The following FRA10AC1 variants were observed in gnomAD, a reference collection of about 807,000 sequenced individuals.
FRA10AC1 encodes protein FRA10AC1.
Under a neutral mutation model 56.5 loss-of-function variants are expected in FRA10AC1, and 43 were observed. That is an observed-to-expected ratio of 0.76 (90% CI 0.60 to 0.98). The LOEUF (loss-of-function observed/expected upper bound fraction) is 0.98, where lower values mean the gene tolerates loss of function less well. FRA10AC1 is among the 50% of genes least tolerant of loss of function. The pLI, the probability that FRA10AC1 is intolerant of heterozygous loss-of-function variation, is 0.00. For missense variants in FRA10AC1, 346 were observed against 351.8 expected, an observed-to-expected ratio of 0.98 and a Z score of 0.13; for synonymous variants, 112 against 110.5, an observed-to-expected ratio of 1.01 and a Z score of -0.09.
At chr10:93,690,048 G>A (rs2059101137) in intron 7 of FRA10AC1, among the ~76,000 whole-genome samples, 1 of 152,074 alleles carries the variant, frequency 6.6e-6, no homozygotes, top group Non-Finnish European at 1.5e-5. Flanking sequence ...AGGCAAAGGT[G>A]GAAATTCACT....
chr10:93,692,561 G>T, intron 6 of FRA10AC1, 85 bp downstream of exon 6: 1 of 806,522 alleles, frequency 1.2e-6, no homozygotes, highest in South Asian at 1.6e-5. Context: ...TGAAGGGGCT[G>T]AACACCTTGA....
chr10:93,672,752 AG>A (rs1231491667), intron 12 of FRA10AC1: 3 of 152,306 alleles, frequency 2.0e-5, no homozygotes, highest in Non-Finnish European at 2.9e-5. Context: ...AGATATCCCT[AG>A]AGAATCAAGT....
rs376966901 is a variant in FRA10AC1, at chr10:93,676,688, T to C, written c.791A>G (p.His264Arg). ...EEASKKKDKG[H>R]SSSKKSEDSL... ...ATCTTCAGATTTCTTTGAAGATGAA[T>C]GTCCTGAAAAGGAAACATCATTGAT... is the stretch of plus-strand genomic sequence containing the variant. Residue 264 changes from histidine to arginine, a missense_variant, in exon 12 of 14, where the codon CAT becomes CGT. Coordinates refer to ENST00000359204, the MANE Select transcript of FRA10AC1 (RefSeq NM_145246.5). 4.3e-5 allele frequency: 68 copies of C among 1,568,756 alleles called. No individual in the cohort carries two copies. The highest frequency in any genetic ancestry group is 5.2e-5 in the Non-Finnish European group (60 of 1,162,110).
chr10:93,696,509 A>C (rs1239305425), intron 4 of FRA10AC1, among the ~76,000 whole-genome samples: 1 of 152,210 alleles, frequency 6.6e-6, no homozygotes, highest in Non-Finnish European at 1.5e-5. Flanking sequence ...GTTGGTGGGA[A>C]TGTAAAATGG....
At chr10:93,675,632 G>A in intron 12 of FRA10AC1, 1 of 358,784 alleles carries the variant, frequency 2.8e-6, no homozygotes, top group Non-Finnish European at 6.0e-6. Context: ...TTGAACCTGG[G>A]AAGCAGGGGC....
chr10:93,694,879 T>G lies in FRA10AC1; in HGVS notation c.278A>C (p.Glu93Ala). 1 of 1,587,210 alleles carries G rather than the reference T, an allele frequency of 6.3e-7. No homozygotes were observed. Among genetic ancestry groups the G allele is most frequent in the Non-Finnish European group, 8.7e-7 (1 of 1,155,492 alleles). ...DYILYYGGKK[E>A]DFKRLGENDK... ...TACTTACCCCAAACGCTTGAAGTCT[T>G]CTTTTTTGCCACCATAGTATAAAAT... is the stretch of plus-strand genomic sequence containing the variant. The change falls in exon 5 of 14, where the codon GAA becomes GCA. Residue 93 changes from glutamate (E) to alanine (A), a missense_variant. By Grantham distance (107) the Glu-to-Ala change is moderately radical. Transcript: ENST00000359204.
At chr10:93,684,330 T>C (rs1373931078) in intron 9 of FRA10AC1, among the ~76,000 whole-genome samples, 1 of 152,054 alleles carries the variant, frequency 6.6e-6, no homozygotes, top group Non-Finnish European at 1.5e-5. Flanking sequence ...TTTAGAAAAA[T>C]GTGTTGTCAA....
intron 7 of FRA10AC1, among the ~76,000 whole-genome samples, chr10:93,689,017 A>T (rs536476106): frequency 5.3e-4 from 80 of 151,290 alleles, no homozygotes; most frequent in African/African-American, 1.7e-3. Flanking sequence ...CAGAGGATTC[A>T]TATAAAGTGT....
At position 93,702,522 on chromosome 10, in the gene FRA10AC1, A is replaced by ACCACCGCCGCCGCCGCCG. The variant is rs60832838; in HGVS notation, c.-149_-148insCGGCGGCGGCGGCGGTGG. On this transcript the variant is annotated 5_prime_UTR_variant, in exon 1 of 14. Coordinates refer to ENST00000359204, the MANE Select transcript of FRA10AC1 (RefSeq NM_145246.5). ...GCCGCACAGCCTCGCCACAACCACC[A>ACCACCGCCGCCGCCGCCG]CCGCCGCCGCCGCCGCCGCCGCCGC... 2.9e-3 allele frequency: 627 copies of ACCACCGCCGCCGCCGCCG among 216,012 alleles called. 102 individuals are homozygous for ACCACCGCCGCCGCCGCCG. The highest frequency in any genetic ancestry group is 3.9e-3 in the Middle Eastern group (2 of 512). The allele number at this position is 216,012 out of a possible 1,614,324, so 13.4% of individuals were successfully genotyped here. A position where few individuals can be genotyped will look rare whatever the true frequency, so the allele number is the denominator to read the frequency against.
intron 12 of FRA10AC1, chr10:93,675,142 C>T (rs572234493): frequency 2.0e-5 from 3 of 152,288 alleles, no homozygotes; most frequent in East Asian, 3.9e-4. Flanking sequence ...AAGGAATATA[C>T]TATATTCCTA....
Position 93,684,001 on chromosome 10 carries a change from A to G in FRA10AC1, c.668+55T>C, listed in dbSNP as rs898747134. 4.2e-6 allele frequency: 5 copies of G among 1,182,258 alleles called. No individual in the cohort carries two copies. In the African/African-American group the frequency reaches 7.6e-5, roughly 18 times the overall value. 73.2% of individuals were successfully genotyped at this position (1,182,258 alleles called of 1,614,324 possible). On this transcript the variant is annotated intron_variant, in intron 10 of 13. Transcript: ENST00000359204. ...TACATTTAGATACTTAGTGCAGGTA[A>G]ATGACTATATCCTGGATTACTAAAC...
At chr10:93,674,153 A>T (rs56079131) in intron 12 of FRA10AC1, 1 of 152,184 alleles carries the variant, frequency 6.6e-6, no homozygotes. Flanking sequence ...ATATATTTTT[A>T]AAAATTGAGT....
At chr10:93,689,311 A>T (rs1381425137) in intron 7 of FRA10AC1, among the ~76,000 whole-genome samples, 1 of 152,028 alleles carries the variant, frequency 6.6e-6, no homozygotes, top group African/African-American at 2.4e-5. Context: ...GAATTTGGCA[A>T]TTTTGTATTT....
chr10:93,685,457 A>G (rs1280613597), intron 8 of FRA10AC1, 98 bp from the exon 9 acceptor site: 5 of 626,828 alleles, frequency 8.0e-6, no homozygotes, highest in Non-Finnish European at 1.4e-5. Flanking sequence ...AAATATGCAA[A>G]TTAACCATAG....
In FRA10AC1 at chr10:93,698,156, G is replaced by A; in HGVS notation, c.199C>T (p.His67Tyr). ...DREEARNRRFHLIAMDAYQRH... is the reference protein window; with the variant it reads ...DREEARNRRFYLIAMDAYQRH... Reference sequence around the variant, plus strand: ...GATACAGCATCCATAGCTATGAGATGAAACCTTCTATTTCTTGCTTCTTCC... The same window carrying A: ...GATACAGCATCCATAGCTATGAGATAAAACCTTCTATTTCTTGCTTCTTCC... The change falls in exon 4 of 14, where the codon CAT (histidine) becomes TAT (tyrosine). Residue 67 changes from histidine (H) to tyrosine (Y), a missense_variant. His to Tyr is a moderately conservative substitution (Grantham distance 83). Transcript: ENST00000359204. 1 of 1,579,620 alleles carries A rather than the reference G, an allele frequency of 6.3e-7. No homozygotes were observed. The highest frequency in any genetic ancestry group is 1.4e-5 in the African/African-American group (1 of 73,638).
intron 1 of FRA10AC1, among the ~76,000 whole-genome samples, 171 bp downstream of exon 1, chr10:93,702,204 G>C (rs1174839994): frequency 6.6e-6 from 1 of 151,430 alleles, no homozygotes; most frequent in Non-Finnish European, 1.5e-5. Flanking sequence ...GACAAGAGCG[G>C]GGAGAAACTC....
rs1431378928 is a variant in FRA10AC1 at position 93,668,458 on chromosome 10, A to C, written c.*1368T>G. ...TAAAAAGGCTTGGATCTCCTGAAGC[A>C]CCTCCATAGACCCTTGCGACTAGGA... On this transcript the variant is annotated 3_prime_UTR_variant, in exon 14 of 14. Transcript: ENST00000359204. 1 of 152,162 alleles carries C rather than the reference A, an allele frequency of 6.6e-6. No homozygotes were observed. Among genetic ancestry groups the C allele is most frequent in the Non-Finnish European group, 1.5e-5 (1 of 68,046 alleles). The allele number at this position is 152,162 out of a possible 1,614,324, so 9.4% of individuals were successfully genotyped here.
chr10:93,687,714 G>C, intron 7 of FRA10AC1: 1 of 273,688 alleles, frequency 3.7e-6, no homozygotes, highest in Admixed American at 5.1e-5. Context: ...ATCCTGTTCT[G>C]TAAGACTGAC....
chr10:93,698,464 C>T, intron 2 of FRA10AC1, 68 bp from the exon 3 acceptor site: 1 of 869,202 alleles, frequency 1.2e-6, no homozygotes, highest in Non-Finnish European at 1.8e-6. Flanking sequence ...TTTATATTTT[C>T]ATAACTGGAA....
Sources: allele counts gnomAD v4.1 joint callset (sites outside exome capture counted in the v4.1 genomes callset), GRCh38; gene constraint gnomAD v4.1.1; transcripts MANE v1.5; gene names NCBI Gene and HGNC (gene_info 2026-07-23, HGNC 2026-07-21).